Variants in USP32 observed in about 807,000 individuals in gnomAD.
USP32 encodes ubiquitin specific peptidase 32.
In USP32, 59 loss-of-function variants were observed where a neutral mutation model predicts 204.8. That is an observed-to-expected ratio of 0.29 (90% CI 0.23 to 0.36). The LOEUF (loss-of-function observed/expected upper bound fraction) is 0.36. USP32 is among the 10% of genes least tolerant of loss of function. The pLI is 1.00. For missense variants in USP32, 1,160 were observed against 1,946.4 expected (o/e 0.60, Z 7.60); for synonymous variants, 517 against 678.4 (o/e 0.76, Z 3.70).
upstream of USP32, among the ~76,000 whole-genome samples, chr17:60,393,376 C>T (rs1320330113): frequency 2.0e-5 from 3 of 152,130 alleles, no homozygotes; most frequent in East Asian, 3.8e-4. Flanking sequence ...CAGCATTATT[C>T]ACGAGAGCCA....
At chr17:60,411,177 A>C (rs1387483538) in intron 1 of USP32, among the ~76,000 whole-genome samples, 2 of 151,962 alleles carry the variant, frequency 1.3e-5, no homozygotes, top group African/African-American at 4.8e-5. Flanking sequence ...AAAAATACAA[A>C]ATTAGCAGAG....
chr17:60,420,421 A>C (rs1598328166), intron 1 of USP32, among the ~76,000 whole-genome samples: 3 of 151,918 alleles, frequency 2.0e-5, no homozygotes, highest in East Asian at 1.9e-4. Flanking sequence ...TAATCCTAGC[A>C]CTTTGGGAGG....
intron 27 of USP32, among the ~76,000 whole-genome samples, chr17:60,195,135 G>A (rs543168228): frequency 1.1e-3 from 161 of 152,218 alleles, no homozygotes; most frequent in Non-Finnish European, 2.0e-3. Flanking sequence ...TTTAATGTCC[G>A]AAGGACATAA....
chr17:60,256,261 AT>A lies in USP32; in HGVS notation c.991-1004del, dbSNP rs573806706. ...GGGAAAGGAAGAAAAACAAAAACTC[AT>A]TTTTGTTTTTTCAAAAAAGTTCACA... On this transcript the variant is annotated intron_variant, in intron 9 of 33. Transcript: ENST00000300896. 5.0e-3 allele frequency among the ~76,000 whole-genome samples: 766 copies of A among 152,288 alleles called. 2 individuals carry two copies. The highest frequency in any genetic ancestry group is 8.5e-3 in the Non-Finnish European group (577 of 68,026).
intron 1 of USP32, among the ~76,000 whole-genome samples, chr17:60,356,431 G>C (rs1375696844): frequency 6.6e-6 from 1 of 152,068 alleles, no homozygotes; most frequent in African/African-American, 2.4e-5. Flanking sequence ...ACACAAGCAG[G>C]AAGTGAAGGC....
chr17:60,393,775 C>A (rs150398988), upstream of USP32, among the ~76,000 whole-genome samples: 531 of 151,950 alleles, frequency 3.5e-3, 3 homozygotes, highest in African/African-American at 0.012. Context: ...ACCTCTGCCT[C>A]TCTGGTTCAA....
chr17:60,295,199 C>A (rs148847752), intron 3 of USP32, among the ~76,000 whole-genome samples: 2 of 148,136 alleles, frequency 1.4e-5, no homozygotes, highest in South Asian at 4.3e-4. Flanking sequence ...GTACAAAATA[C>A]AAGATGTTCA....
rs1438656596 is a variant in USP32 at position 60,269,484 on chromosome 17, G to A, written c.777C>T (p.Ala259=). The stretch of plus-strand genomic sequence containing the variant: ...TTTCAGCCAGGGGTCCCCTGCAACA[G>A]GCTGATAACCCACAGGATATCTCCT... The part of the protein sequence containing the change: ...DFKEISCGLS[A]CCRGPLAERQ... The change falls in exon 7 of 34, where the codon GCC becomes GCT. Residue 259 remains alanine, a synonymous_variant. Transcript: ENST00000300896. 1 of 1,610,470 alleles carries A rather than the reference G, an allele frequency of 6.2e-7. No individual in the cohort carries two copies. The highest frequency in any genetic ancestry group is 1.7e-5 in the Admixed American group (1 of 59,136).
intron 12 of USP32, among the ~76,000 whole-genome samples, chr17:60,232,234 A>AAC (rs2085580566): frequency 7.5e-6 from 1 of 133,772 alleles, no homozygotes; most frequent in African/African-American, 2.9e-5. Flanking sequence ...GTGCAGTGGC[A>AAC]TGATCTCGGC....
rs2084117546 is a variant in USP32, at chr17:60,181,722, C to T, written c.4150G>A (p.Gly1384Arg). Residue 1384 changes from glycine (G) to arginine (R), a missense_variant, in exon 32 of 34, where the codon GGA (glycine) becomes AGA (arginine). Physicochemically the swap from Gly to Arg is moderately radical, Grantham distance 125. Transcript: ENST00000300896. The stretch of plus-strand genomic sequence containing the variant: ...TTTTTGCTGGAGGGACAGCTGGTTC[C>T]ACTTTTTCTTGATGAAGAAGGAGAA... ...KGSPSSSRKS[G>R]TSCPSSKNSS... The T allele has an allele frequency of 1.2e-6, 2 of 1,607,898 alleles. No individual in the cohort carries two copies. The highest frequency in any genetic ancestry group is 3.4e-5 in the Admixed American group (2 of 59,598).
At position 60,205,638 on chromosome 17, in the gene USP32, T is replaced by C. The variant is rs760940595; in HGVS notation, c.3058A>G (p.Thr1020Ala). Residue 1020 changes from threonine (T) to alanine (A), a missense_variant, in exon 26 of 34, where the codon ACA becomes GCA. Around this residue, in one of 8 missense-constraint regions of USP32, gnomAD observed 47 missense variants for 71.1 expected, o/e 0.66. Coordinates refer to ENST00000300896, the MANE Select transcript of USP32 (RefSeq NM_032582.4). Reference sequence around the variant, plus strand: ...GTAGTTAGGGTGAACATTTCATTTGTAGATGGCGAAGAGGAGAAATCTACA... The same window carrying C: ...GTAGTTAGGGTGAACATTTCATTTGCAGATGGCGAAGAGGAGAAATCTACA... The part of the protein sequence containing the change: ...TQTDFSSSPS[T>A]NEMFTLTTNG... 3 of 1,614,010 alleles carry C rather than the reference T, an allele frequency of 1.9e-6. No individual in the cohort carries two copies. The South Asian group carries it at 3.3e-5, about 18-fold the overall frequency.
rs2085183986 is a variant in USP32, at chr17:60,219,452, A to G, written c.1867+218T>C. 1.3e-5 allele frequency: 8 copies of G among 596,698 alleles called. No homozygotes were observed. The East Asian group carries it at 2.7e-4, about 20-fold the overall frequency. The allele number at this position is 596,698 out of a possible 1,614,324, so 37.0% of individuals were successfully genotyped here. ...TTCAACCCCTCATCTAGTCTTGTGC[A>G]TGACCATAGTTCTAAGCCCTGTAAA... On this transcript the variant is annotated intron_variant, in intron 16 of 33. Transcript: ENST00000300896.
At position 60,213,666 on chromosome 17, in the gene USP32, T is replaced by C. The variant is rs2085028437; in HGVS notation, c.2023-4A>G. 4.3e-6 allele frequency: 5 copies of C among 1,156,342 alleles called. No individual in the cohort carries two copies. The East Asian group carries it at 7.6e-5, about 18-fold the overall frequency. The allele number at this position is 1,156,342 out of a possible 1,614,324, so 71.6% of individuals were successfully genotyped here. ...CATCCAGAAGAGTAAGGTAGTTCTG[T>C]GTAAGGAGGAGGAAATGTTTTTGTT... On this transcript the variant is annotated splice_polypyrimidine_tract_variant and splice_region_variant and intron_variant, in intron 17 of 33. Transcript: ENST00000300896.
chr17:60,413,349 G>A (rs967754144), intron 1 of USP32, among the ~76,000 whole-genome samples: 1 of 152,180 alleles, frequency 6.6e-6, no homozygotes, highest in African/African-American at 2.4e-5. Flanking sequence ...CAAACAAGGA[G>A]AGCTGGCAGC....
intron 27 of USP32, among the ~76,000 whole-genome samples, chr17:60,193,248 T>C (rs1195494890): frequency 6.6e-6 from 1 of 152,272 alleles, no homozygotes. Flanking sequence ...CCTTCAGCCT[T>C]AATTCTATCA....
intron 2 of USP32, among the ~76,000 whole-genome samples, chr17:60,304,034 T>C (rs1337672686): frequency 6.6e-6 from 1 of 151,944 alleles, no homozygotes; most frequent in Non-Finnish European, 1.5e-5. Context: ...TCAAAATGAA[T>C]AGACACAAAA....
chr17:60,377,855 T>A (rs959300442), intron 1 of USP32, among the ~76,000 whole-genome samples: 2 of 152,184 alleles, frequency 1.3e-5, no homozygotes, highest in African/African-American at 4.8e-5. Context: ...CTATCAGAAT[T>A]TCATGGTTAT....
intron 7 of USP32, among the ~76,000 whole-genome samples, chr17:60,267,766 G>A (rs59173316): frequency 6.6e-6 from 1 of 151,594 alleles, no homozygotes; most frequent in African/African-American, 2.4e-5. Context: ...TGATCCGCCT[G>A]CCTTGGCCTC....
At position 60,392,093 on chromosome 17, in the gene USP32, G is replaced by T; in HGVS notation, c.-154C>A. On this transcript the variant is annotated 5_prime_UTR_variant, in exon 1 of 34. Coordinates refer to ENST00000300896, the MANE Select transcript of USP32 (RefSeq NM_032582.4). Reference sequence around the variant, plus strand: ...AACAAGTGCGGCTTCTGCCCCGGCGGCTCCTCCCGGTCGCCGCCACCGCCT... The same window carrying T: ...AACAAGTGCGGCTTCTGCCCCGGCGTCTCCTCCCGGTCGCCGCCACCGCCT... 2 of 788,766 alleles carry T rather than the reference G, an allele frequency of 2.5e-6. No homozygotes were observed. The highest frequency in any genetic ancestry group is 3.8e-6 in the Non-Finnish European group (2 of 524,166). 48.9% of individuals were successfully genotyped at this position (788,766 alleles called of 1,614,324 possible).
Sources: allele counts gnomAD v4.1 joint callset (sites outside exome capture counted in the v4.1 genomes callset), GRCh38; gene constraint gnomAD v4.1.1; regional missense constraint gnomAD v4.1.1; transcripts MANE v1.5; gene names NCBI Gene and HGNC (gene_info 2026-07-23, HGNC 2026-07-21).